Variants in SEMA6A observed in about 807,000 individuals in gnomAD.
SEMA6A encodes semaphorin 6A.
In SEMA6A, 25 loss-of-function variants were observed where a neutral mutation model predicts 96.8. The observed-to-expected ratio is 0.26, with a 90% CI of 0.19 to 0.36. The LOEUF is 0.36. SEMA6A is among the 10% of genes least tolerant of loss of function. The probability of loss-of-function intolerance (pLI) is 1.00; values close to 1 mark genes in which losing one functional copy is unlikely to be tolerated. For synonymous variants in SEMA6A, 612 were observed against 518.0 expected, an observed-to-expected ratio of 1.18 and a Z score of -2.46; for missense variants, 1,363 against 1,323.1, an observed-to-expected ratio of 1.03 and a Z score of -0.47.
chr5:116,487,204 G>A (rs1054100137), intron 9 of SEMA6A: 13 of 453,048 alleles, frequency 2.9e-5, no homozygotes, highest in Middle Eastern at 6.1e-4. Flanking sequence ...ATCCTTCAGG[G>A]AATCAGCTCC....
intron 1 of SEMA6A, among the ~76,000 whole-genome samples, chr5:116,568,730 G>A (rs530045673): frequency 6.6e-6 from 1 of 152,134 alleles, no homozygotes; most frequent in Admixed American, 6.5e-5. Flanking sequence ...GAATGAACAG[G>A]CTCCAATCCA....
intron 18 of SEMA6A, among the ~76,000 whole-genome samples, chr5:116,464,766 G>A (rs758623683): frequency 6.6e-6 from 1 of 152,178 alleles, no homozygotes; most frequent in Non-Finnish European, 1.5e-5. Context: ...AAAGAAAAAC[G>A]CAGCAAACAT....
chr5:116,495,002 G>A (rs1026387737), intron 6 of SEMA6A, among the ~76,000 whole-genome samples: 10 of 152,160 alleles, frequency 6.6e-5, no homozygotes, highest in African/African-American at 2.4e-5. Flanking sequence ...GAAAGTCTAC[G>A]GTTTCAAATG....
intron 1 of SEMA6A, among the ~76,000 whole-genome samples, chr5:116,519,687 A>ACACACACACACG (rs919217932): frequency 6.7e-6 from 1 of 149,992 alleles, no homozygotes; most frequent in African/African-American, 2.5e-5. Flanking sequence ...ACACACACAC[A>ACACACACACACG]CACACGCACA....
chr5:116,504,648 C>T (rs1296381108), intron 2 of SEMA6A, among the ~76,000 whole-genome samples, 197 bp downstream of exon 2: 1 of 152,180 alleles, frequency 6.6e-6, no homozygotes, highest in Non-Finnish European at 1.5e-5. Context: ...TCACACGTGT[C>T]CCCACAACAA....
intron 1 of SEMA6A, among the ~76,000 whole-genome samples, chr5:116,558,452 T>TAAATAGTA (rs1409326275): frequency 2.7e-5 from 1 of 36,538 alleles, no homozygotes; most frequent in African/African-American, 7.2e-5. Context: ...AGGATTCTTT[T>TAAATAGTA]TTTTTTTTTT....
In SEMA6A at chr5:116,497,355, G is replaced by A. The variant is rs771907661; in HGVS notation, c.251C>T (p.Ser84Leu). 5.6e-6 allele frequency: 9 copies of A among 1,600,066 alleles called. No homozygotes were observed. In the South Asian group the frequency reaches 1.0e-4, roughly 18 times the overall value. The part of the protein sequence containing the change: ...DHIYTVDIDT[S>L]HTEEIYCSKK... Reference sequence around the variant, plus strand: ...GCTACAATAAATTTCTTCCGTGTGTGATGTGTCTATATCAACAGTATAAAT... The same window carrying A: ...GCTACAATAAATTTCTTCCGTGTGTAATGTGTCTATATCAACAGTATAAAT... Residue 84 changes from serine (S) to leucine (L), a missense_variant, in exon 4 of 19, where the codon TCA (serine) becomes TTA (leucine). Coordinates refer to ENST00000343348, the MANE Select transcript of SEMA6A (RefSeq NM_020796.5).
chr5:116,531,888 C>A (rs1313888446), intron 1 of SEMA6A, among the ~76,000 whole-genome samples: 1 of 152,134 alleles, frequency 6.6e-6, no homozygotes, highest in African/African-American at 2.4e-5. Flanking sequence ...CCAAGCCACT[C>A]ACCCTGCCAC....
rs1452470154 is a variant in SEMA6A at position 116,488,026 on chromosome 5, G to A, written c.744+82C>T. 10 of 895,690 alleles carry A rather than the reference G, an allele frequency of 1.1e-5. No individual in the cohort carries two copies. The East Asian group carries it at 2.2e-4, about 19-fold the overall frequency. 55.5% of individuals were successfully genotyped at this position (895,690 alleles called of 1,614,324 possible). On this transcript the variant is annotated intron_variant, in intron 9 of 18. Transcript: ENST00000343348. ...ATTAGATTTATGGCTCTCATTTCAA[G>A]ATCATTTATAACAACATTTGACCAA...
chr5:116,469,630 A>C (rs1013695960), intron 17 of SEMA6A: 1 of 152,226 alleles, frequency 6.6e-6, no homozygotes, highest in Non-Finnish European at 1.5e-5. Flanking sequence ...ACCTGAATTG[A>C]TACGCATTTT....
At chr5:116,487,977 A>G (rs1325856754) in intron 9 of SEMA6A, 131 bp downstream of exon 9, 1 of 541,512 alleles carries the variant, frequency 1.8e-6, no homozygotes, top group Non-Finnish European at 3.3e-6. Context: ...AACAGCAGAT[A>G]GGGCCTCCAG....
chr5:116,553,624 G>A (rs1361712958), intron 1 of SEMA6A, among the ~76,000 whole-genome samples: 1 of 152,208 alleles, frequency 6.6e-6, no homozygotes, highest in Non-Finnish European at 1.5e-5. Context: ...AGTGCTGGGA[G>A]CAAACAATGG....
intron 1 of SEMA6A, among the ~76,000 whole-genome samples, chr5:116,573,911 G>A (rs773410420): frequency 4.6e-5 from 7 of 152,032 alleles, no homozygotes; most frequent in Non-Finnish European, 1.5e-5. Flanking sequence ...GCGCCGTCGC[G>A]GCCCGGGGCG....
At chr5:116,557,322 G>A (rs879594129) in intron 1 of SEMA6A, among the ~76,000 whole-genome samples, 27 of 152,248 alleles carry the variant, frequency 1.8e-4, no homozygotes, top group Admixed American at 9.2e-4. Context: ...AGCGATTCTC[G>A]TGCCTCAGTC....
In SEMA6A at chr5:116,446,841, C is replaced by T; in HGVS notation, c.2865G>A (p.Arg955=). The stretch of plus-strand genomic sequence containing the variant: ...GCGGGGCGGGCGGCGGGTTGTCTCC[C>T]CTGCCAAAGCTCTGGTTTCTGGAGA... The part of the protein sequence containing the change: ...SHLSRNQSFG[R]GDNPPPAPQR... Residue 955 remains arginine, a synonymous_variant, in exon 19 of 19, where the codon AGG becomes AGA. Coordinates refer to ENST00000343348, the MANE Select transcript of SEMA6A (RefSeq NM_020796.5). 1 of 1,613,946 alleles carries T rather than the reference C, an allele frequency of 6.2e-7. No homozygotes were observed. The highest frequency in any genetic ancestry group is 8.5e-7 in the Non-Finnish European group (1 of 1,179,872).
intron 1 of SEMA6A, among the ~76,000 whole-genome samples, chr5:116,557,452 T>A (rs753852752): frequency 2.8e-4 from 42 of 152,254 alleles, no homozygotes; most frequent in Admixed American, 5.9e-4. Flanking sequence ...CCTCAAGCCA[T>A]TGGCCTGCTT....
intron 4 of SEMA6A, among the ~76,000 whole-genome samples, chr5:116,496,972 A>G (rs1425159091): frequency 1.3e-5 from 2 of 152,256 alleles, no homozygotes; most frequent in Non-Finnish European, 2.9e-5. Context: ...CAAGACATGG[A>G]AATATAACAT....
intron 1 of SEMA6A, among the ~76,000 whole-genome samples, chr5:116,513,040 C>T (rs538815599): frequency 3.2e-4 from 49 of 152,028 alleles, no homozygotes; most frequent in African/African-American, 1.1e-3. Flanking sequence ...TATATATTTA[C>T]GGGGTACATG....
At chr5:116,467,132 C>G (rs1755804888) in intron 18 of SEMA6A, among the ~76,000 whole-genome samples, 1 of 152,180 alleles carries the variant, frequency 6.6e-6, no homozygotes, top group African/African-American at 2.4e-5. Context: ...GTGAGAGATG[C>G]TACCAGCCAG....
Sources: gnomAD v4.1 joint callset for allele counts (sites outside exome capture counted in the v4.1 genomes callset) on GRCh38, gnomAD v4.1.1 for gene constraint, MANE v1.5 for transcripts, NCBI Gene and HGNC (gene_info 2026-07-23, HGNC 2026-07-21) for gene names.